HDAC9: variants seen among roughly 807,000 people sequenced by gnomAD.
The protein encoded by HDAC9 is MEF-2 interacting transcription repressor (MITR) protein.
Under a neutral mutation model 139.4 loss-of-function variants are expected in HDAC9, and 41 were observed. The observed-to-expected ratio is 0.29, with a 90% confidence interval of 0.23 to 0.38. The LOEUF is 0.38. HDAC9 is among the 10% of genes least tolerant of loss of function. The pLI, the probability that HDAC9 is intolerant of heterozygous loss-of-function variation, is 1.00. For missense variants in HDAC9, 1,147 were observed against 1,297.0 expected (o/e 0.88, Z 1.78); for synonymous variants, 517 against 476.2 (o/e 1.09, Z -1.12).
intron 14 of HDAC9, 46 bp downstream of exon 14, chr7:18,749,184 T>C: frequency 1.3e-6 from 2 of 1,586,626 alleles, no homozygotes; most frequent in South Asian, 2.2e-5. Context: ...AAATAAATCA[T>C]GTAAAGAGGC....
At chr7:18,228,948 G>C (rs1255677921) in intron 2 of HDAC9, among the ~76,000 whole-genome samples, 1 of 152,130 alleles carries the variant, frequency 6.6e-6, no homozygotes, top group African/African-American at 2.4e-5. Flanking sequence ...ATCCAGTATG[G>C]GAACCCATGC....
At chr7:18,339,462 A>T (rs540190028) in intron 1 of HDAC9, among the ~76,000 whole-genome samples, 8 of 151,218 alleles carry the variant, frequency 5.3e-5, no homozygotes, top group Non-Finnish European at 1.2e-4. Flanking sequence ...ATATGTTTTC[A>T]TTTTCATTGT....
At chr7:18,802,039 T>C (rs1005889451) in intron 17 of HDAC9, among the ~76,000 whole-genome samples, 1 of 151,708 alleles carries the variant, frequency 6.6e-6, no homozygotes, top group Non-Finnish European at 1.5e-5. Context: ...ATATATTTTA[T>C]GAATTTCTTC....
At chr7:18,351,009 A>G (rs990251820) in intron 1 of HDAC9, among the ~76,000 whole-genome samples, 1 of 152,202 alleles carries the variant, frequency 6.6e-6, no homozygotes, top group Non-Finnish European at 1.5e-5. Flanking sequence ...CCTAAGTTAA[A>G]TGACTGTAGG....
intron 1 of HDAC9, among the ~76,000 whole-genome samples, chr7:18,296,437 TG>T (rs797015186): frequency 1.5e-4 from 23 of 152,212 alleles, no homozygotes; most frequent in African/African-American, 4.3e-4. Flanking sequence ...TGTGTGTGTG[TG>T]TGTGTGTAAC....
At chr7:18,501,473 T>G (rs1798343001) in intron 2 of HDAC9, among the ~76,000 whole-genome samples, 1 of 152,202 alleles carries the variant, frequency 6.6e-6, no homozygotes, top group Non-Finnish European at 1.5e-5. Context: ...ATAGTATCTC[T>G]TACGTTAAGG....
At chr7:18,136,602 T>A (rs926693045) in intron 1 of HDAC9, among the ~76,000 whole-genome samples, 2 of 152,212 alleles carry the variant, frequency 1.3e-5, no homozygotes, top group Non-Finnish European at 2.9e-5. Flanking sequence ...TTGTCAAAGA[T>A]CAGATAGCTG....
At chr7:18,496,852 GC>G (rs1448636165) in intron 2 of HDAC9, 1 of 152,274 alleles carries the variant, frequency 6.6e-6, no homozygotes, top group East Asian at 1.9e-4. Flanking sequence ...TTTCTCATCA[GC>G]CCCAAATGAA....
chr7:18,355,503 C>T (rs1030638548), intron 1 of HDAC9, among the ~76,000 whole-genome samples: 1 of 152,044 alleles, frequency 6.6e-6, no homozygotes, highest in African/African-American at 2.4e-5. Context: ...TTAATGAAGG[C>T]AGATATTTAA....
At position 19,000,761 on chromosome 7, in the gene HDAC9, A is replaced by G. The variant is rs1786711247; in HGVS notation, c.*4699A>G. ...ATGGTGAATCTGGTGTAAACTTACAATCTAACAAATAATTTTCTTTCAACT... is the reference window on the plus strand; with the variant it reads ...ATGGTGAATCTGGTGTAAACTTACAGTCTAACAAATAATTTTCTTTCAACT... On this transcript the variant is annotated 3_prime_UTR_variant, in exon 26 of 26. Transcript: ENST00000686413. The G allele has an allele frequency of 6.6e-6, 1 of 152,186 alleles. No homozygotes were observed. The highest frequency in any genetic ancestry group is 1.5e-5 in the Non-Finnish European group (1 of 68,020). 9.4% of individuals were successfully genotyped at this position (152,186 alleles called of 1,614,324 possible). A position where few individuals can be genotyped will look rare whatever the true frequency, so the allele number is the denominator to read the frequency against.
chr7:18,458,005 C>T (rs1011323453), intron 1 of HDAC9, among the ~76,000 whole-genome samples: 13 of 152,134 alleles, frequency 8.5e-5, no homozygotes, highest in African/African-American at 1.2e-4. Flanking sequence ...TGGCCATACA[C>T]GCCTCAGATG....
chr7:18,618,086 T>C (rs991710004), intron 6 of HDAC9, among the ~76,000 whole-genome samples: 1 of 152,194 alleles, frequency 6.6e-6, no homozygotes, highest in African/African-American at 2.4e-5. Flanking sequence ...GGGAATTGGC[T>C]AAAAATTTTC....
intron 22 of HDAC9, among the ~76,000 whole-genome samples, chr7:18,895,403 A>G (rs927702860): frequency 6.6e-6 from 1 of 152,124 alleles, no homozygotes; most frequent in Non-Finnish European, 1.5e-5. Flanking sequence ...GAAATACTGC[A>G]GTGTGGCAGT....
intron 2 of HDAC9, among the ~76,000 whole-genome samples, chr7:18,507,844 C>T (rs1261129045): frequency 1.3e-5 from 2 of 152,088 alleles, no homozygotes. Flanking sequence ...AGGAAACACA[C>T]AGTAATTGAA....
At chr7:18,445,338 A>G (rs990880654) in intron 1 of HDAC9, among the ~76,000 whole-genome samples, 3 of 152,080 alleles carry the variant, frequency 2.0e-5, no homozygotes, top group Non-Finnish European at 4.4e-5. Flanking sequence ...ACTATAGGCT[A>G]TTTTTCAATG....
chr7:18,864,722 G>A (rs1288080304), intron 21 of HDAC9, among the ~76,000 whole-genome samples: 1 of 151,902 alleles, frequency 6.6e-6, no homozygotes, highest in Non-Finnish European at 1.5e-5. Context: ...AATTGGAATG[G>A]TGGTTGCCAG....
intron 2 of HDAC9, among the ~76,000 whole-genome samples, chr7:18,556,215 A>G (rs900031066): frequency 6.6e-6 from 1 of 152,176 alleles, no homozygotes; most frequent in East Asian, 1.9e-4. Context: ...AGGGGTTTAT[A>G]TTGTGTGTTT....
At chr7:18,979,929 T>A (rs1784790003) in intron 25 of HDAC9, among the ~76,000 whole-genome samples, 1 of 152,208 alleles carries the variant, frequency 6.6e-6, no homozygotes, top group Non-Finnish European at 1.5e-5. Context: ...CACTGGGGAT[T>A]ATATTTCAAA....
intron 17 of HDAC9, among the ~76,000 whole-genome samples, chr7:18,825,941 G>A (rs1200585868): frequency 6.7e-6 from 1 of 150,082 alleles, no homozygotes; most frequent in Non-Finnish European, 1.5e-5. Flanking sequence ...AGAAGCTTGA[G>A]CCTATTTGAA....
Sources: gnomAD v4.1 joint callset for allele counts (sites outside exome capture counted in the v4.1 genomes callset) on GRCh38, gnomAD v4.1.1 for gene constraint, MANE v1.5 for transcripts, NCBI Gene and HGNC (gene_info 2026-07-23, HGNC 2026-07-21) for gene names.